NOX4: variants seen among roughly 807,000 people sequenced by gnomAD.
NOX4 encodes the protein NADPH oxidase 4, also known as kidney oxidase-1.
NOX4 carries 69 observed loss-of-function variants against 87.6 expected under a neutral mutation model. That is an observed-to-expected ratio of 0.79 (90% confidence interval 0.65 to 0.96). The LOEUF (loss-of-function observed/expected upper bound fraction) is 0.96. Among genes scored for constraint, NOX4 ranks in the 40% least tolerant of loss-of-function variants. The pLI is 0.00. For synonymous variants in NOX4, 275 were observed against 238.2 expected, an observed-to-expected ratio of 1.15 and a Z score of -1.42; for missense variants, 680 against 681.5, an observed-to-expected ratio of 1.00 and a Z score of 0.02.
At chr11:89,500,921 A>G (rs964491273), upstream of NOX4, among the ~76,000 whole-genome samples, 3 of 152,094 alleles carry the variant, frequency 2.0e-5, no homozygotes, top group Non-Finnish European at 2.9e-5. Flanking sequence ...GGGCATTGTC[A>G]TAATAAAAAA....
intron 4 of NOX4, 116 bp downstream of exon 4, chr11:89,449,324 G>T (rs765420014): frequency 1.0e-5 from 7 of 674,810 alleles, no homozygotes; most frequent in Admixed American, 6.5e-5. Context: ...ATCAGTGGTT[G>T]TTCTGGAAGA....
upstream of NOX4, among the ~76,000 whole-genome samples, chr11:89,500,236 T>C (rs1947002429): frequency 6.6e-6 from 1 of 152,184 alleles, no homozygotes; most frequent in African/African-American, 2.4e-5. Context: ...TATTCCTTTT[T>C]ACCATTTCTG....
At chr11:89,438,899 AT>A (rs1451415776) in intron 6 of NOX4, among the ~76,000 whole-genome samples, 2 of 54,990 alleles carry the variant, frequency 3.6e-5, no homozygotes, top group Non-Finnish European at 6.1e-5. Flanking sequence ...TATATATTAT[AT>A]ATATAATATA....
intron 1 of NOX4, among the ~76,000 whole-genome samples, chr11:89,497,582 C>T (rs908156122): frequency 6.6e-6 from 1 of 152,184 alleles, no homozygotes; most frequent in Non-Finnish European, 1.5e-5. Flanking sequence ...GCTCATTGAG[C>T]TCACCGAGCA....
intron 6 of NOX4, among the ~76,000 whole-genome samples, chr11:89,437,601 C>G (rs563783638): frequency 2.0e-5 from 3 of 151,942 alleles, no homozygotes; most frequent in African/African-American, 7.3e-5. Context: ...CAAAATGGTG[C>G]TAATTTGCTG....
At chr11:89,438,803 T>TATATA (rs1944262641) in intron 6 of NOX4, among the ~76,000 whole-genome samples, 1 of 20,980 alleles carries the variant, frequency 4.8e-5, no homozygotes, top group African/African-American at 6.6e-4. Context: ...TATAATATAT[T>TATATA]ATATATTATA....
At chr11:89,561,015 T>TAC in the NOX4 span, among the ~76,000 whole-genome samples, 504 of 80,454 alleles carry the variant, frequency 6.3e-3, 8 homozygotes, top group South Asian at 0.01. Context: ...TATATATATA[T>TAC]ATATACATAC....
At chr11:89,331,257 CAT>C (rs1341308702) in intron 17 of NOX4, among the ~76,000 whole-genome samples, 2 of 151,334 alleles carry the variant, frequency 1.3e-5, no homozygotes, top group East Asian at 1.9e-4. Flanking sequence ...AAAGAAAAAA[CAT>C]AAAAAATAAA....
chr11:89,353,810 T>C (rs1333573978), intron 13 of NOX4, among the ~76,000 whole-genome samples: 2 of 152,158 alleles, frequency 1.3e-5, no homozygotes, highest in African/African-American at 2.4e-5. Flanking sequence ...AAAATACAAA[T>C]AGGCGTGCAC....
chr11:89,337,499 C>T lies in NOX4; in HGVS notation c.1463G>A (p.Arg488Lys), dbSNP rs750171064. ...MLHNKFWQEN[R>K]PDYVNIQLYL... Reference sequence around the variant, plus strand: ...CAGCTGGATGTTGACATAGTCAGGTCTGTTCTCTTGCCAAAACTGAGAGGA... The same window carrying T: ...CAGCTGGATGTTGACATAGTCAGGTTTGTTCTCTTGCCAAAACTGAGAGGA... The change falls in exon 16 of 18, where the codon AGA becomes AAA. Residue 488 changes from arginine (R) to lysine (K), a missense_variant. Transcript: ENST00000263317. 1 of 1,612,068 alleles carries T rather than the reference C, an allele frequency of 6.2e-7. No individual in the cohort carries two copies. The highest frequency in any genetic ancestry group is 1.1e-5 in the South Asian group (1 of 90,968).
rs551093038 is a variant in NOX4 at position 89,374,345 on chromosome 11, C to A, written c.1075-853G>T. Reference sequence around the variant, plus strand: ...TCCACTTGTTTGAGATGCTGACTAACATCCTGTTGGATATATTAAGTACGA... The same window carrying A: ...TCCACTTGTTTGAGATGCTGACTAAAATCCTGTTGGATATATTAAGTACGA... On this transcript the variant is annotated intron_variant, in intron 11 of 17. Transcript: ENST00000263317. Among the ~76,000 whole-genome samples the A allele has an allele frequency of 2.0e-5, 3 of 152,242 alleles. No homozygotes were observed. The East Asian group carries it at 5.8e-4, about 29-fold the overall frequency.
chr11:89,345,665 T>C (rs1034381671), intron 13 of NOX4, among the ~76,000 whole-genome samples: 2 of 152,180 alleles, frequency 1.3e-5, no homozygotes, highest in African/African-American at 2.4e-5. Context: ...GTTTTCTGTT[T>C]TTGCATGTAA....
intron 2 of NOX4, among the ~76,000 whole-genome samples, chr11:89,457,831 C>A (rs746875439): frequency 2.0e-5 from 3 of 152,006 alleles, no homozygotes; most frequent in Non-Finnish European, 4.4e-5. Flanking sequence ...AATAAAATAC[C>A]TAGAAATACA....
chr11:89,366,394 T>C (rs534658789), intron 12 of NOX4, among the ~76,000 whole-genome samples: 4 of 152,186 alleles, frequency 2.6e-5, no homozygotes, highest in African/African-American at 9.6e-5. Flanking sequence ...AAGTAACATT[T>C]TGGCCAGGCA....
the NOX4 span, among the ~76,000 whole-genome samples, chr11:89,520,586 C>A: frequency 6.6e-6 from 1 of 152,056 alleles, no homozygotes; most frequent in Non-Finnish European, 1.5e-5. Flanking sequence ...CAACAACCAA[C>A]ACCCCACACT....
intron 2 of NOX4, among the ~76,000 whole-genome samples, chr11:89,471,277 A>C (rs1945928699): frequency 6.6e-6 from 1 of 152,194 alleles, no homozygotes; most frequent in Admixed American, 6.5e-5. Flanking sequence ...GAAAAGCCCA[A>C]ACTGCCTCTT....
chr11:89,527,587 C>T, the NOX4 span, among the ~76,000 whole-genome samples: 1 of 152,144 alleles, frequency 6.6e-6, no homozygotes, highest in African/African-American at 2.4e-5. Context: ...CCAGATATGG[C>T]TAAAAGGGGC....
At chr11:89,328,036 G>A (rs1265152126) in intron 17 of NOX4, among the ~76,000 whole-genome samples, 1 of 152,166 alleles carries the variant, frequency 6.6e-6, no homozygotes, top group South Asian at 2.1e-4. Context: ...TCTGCTGGCT[G>A]CAGCAGACAG....
At chr11:89,468,574 A>G (rs572754676) in intron 2 of NOX4, among the ~76,000 whole-genome samples, 1 of 152,270 alleles carries the variant, frequency 6.6e-6, no homozygotes, top group South Asian at 2.1e-4. Flanking sequence ...CTTCACATGA[A>G]TTTCCTATTA....
Sources: gnomAD v4.1 joint callset for allele counts (sites outside exome capture counted in the v4.1 genomes callset) on GRCh38, gnomAD v4.1.1 for gene constraint, MANE v1.5 for transcripts, NCBI Gene and HGNC (gene_info 2026-07-23, HGNC 2026-07-21) for gene names.